The following AHCTF1 variants were observed in gnomAD, a reference collection of about 807,000 sequenced individuals.
AHCTF1 encodes the protein AT-hook containing transcription factor 1.
In AHCTF1, 24 loss-of-function variants were observed where a neutral mutation model predicts 248.4. That is an observed-to-expected ratio of 0.10 (90% CI 0.07 to 0.14). The LOEUF (loss-of-function observed/expected upper bound fraction) is 0.14. Among genes scored for constraint, AHCTF1 ranks in the 10% least tolerant of loss-of-function variants. The probability of loss-of-function intolerance (pLI) is 1.00; values close to 1 mark genes in which losing one functional copy is unlikely to be tolerated. For missense variants in AHCTF1, 2,206 were observed against 2,636.2 expected, an observed-to-expected ratio of 0.84 and a Z score of 3.57; for synonymous variants, 786 against 929.8, an observed-to-expected ratio of 0.85 and a Z score of 2.81.
At chr1:246,913,532 T>C (rs1349743296) in intron 3 of AHCTF1, 120 bp from the exon 4 acceptor site, 13 of 886,306 alleles carry the variant, frequency 1.5e-5, no homozygotes, top group East Asian at 5.6e-5. Context: ...TAGAGTAAAT[T>C]TGCATTTGAT....
chr1:246,844,574 G>T (rs1441903090), intron 33 of AHCTF1, among the ~76,000 whole-genome samples: 1 of 151,962 alleles, frequency 6.6e-6, no homozygotes, highest in Non-Finnish European at 1.5e-5. Context: ...ATTTTTAAAA[G>T]ATTAGCCAAT....
Position 246,842,766 on chromosome 1 carries a change from GCAT to G in AHCTF1, c.6533_6535del (p.Asp2178del). 2 of 1,613,192 alleles carry G rather than the reference GCAT, an allele frequency of 1.2e-6. No homozygotes were observed. Among genetic ancestry groups the G allele is most frequent in the South Asian group, 2.2e-5 (2 of 91,056 alleles). On this transcript the variant is annotated inframe_deletion, in exon 35 of 36. Transcript: ENST00000648844. ...CTTTCCCAGAGTTTCTACTGATTGT[GCAT>G]CATCTTTCTATGGGTTAAACATTTT... is the stretch of plus-strand genomic sequence containing the variant.
chr1:246,860,512 TG>T (rs1661457917), intron 29 of AHCTF1, among the ~76,000 whole-genome samples: 1 of 152,206 alleles, frequency 6.6e-6, no homozygotes, highest in East Asian at 1.9e-4. Context: ...CTGTGCATTA[TG>T]TCTAGGAACT....
At chr1:246,903,816 C>T (rs1213289153) in intron 7 of AHCTF1, 133 bp downstream of exon 7, 26 of 708,028 alleles carry the variant, frequency 3.7e-5, no homozygotes, top group Admixed American at 9.5e-5. Context: ...CCAGCCTGGG[C>T]GACAGAGCGA....
chr1:246,881,655 G>C (rs1433378553), intron 21 of AHCTF1, among the ~76,000 whole-genome samples: 1 of 151,662 alleles, frequency 6.6e-6, no homozygotes, highest in African/African-American at 2.4e-5. Flanking sequence ...TGACCAACAT[G>C]GGTGAAACCC....
chr1:246,852,464 A>AAAAG (rs1188058171), intron 32 of AHCTF1, among the ~76,000 whole-genome samples: 2 of 152,160 alleles, frequency 1.3e-5, no homozygotes, highest in African/African-American at 4.8e-5. Flanking sequence ...TGCTGGTAAT[A>AAAAG]AAAGATTTGG....
At chr1:246,860,000 G>C (rs550633113) in intron 29 of AHCTF1, among the ~76,000 whole-genome samples, 1 of 152,194 alleles carries the variant, frequency 6.6e-6, no homozygotes, top group East Asian at 1.9e-4. Flanking sequence ...GGTGGCTCAC[G>C]CCTGTAATCC....
chr1:246,928,163 C>T lies in AHCTF1; in HGVS notation c.-8+3415G>A, dbSNP rs563453463. On this transcript the variant is annotated intron_variant, in intron 1 of 35. Coordinates refer to ENST00000648844, the MANE Select transcript of AHCTF1 (RefSeq NM_001323342.2). ...AAAAATACAAAAAAAATTAGCCGGG[C>T]GTGGTGGTGGGCACCTGTAGTCCCA... Among the ~76,000 whole-genome samples, 29 of 150,628 alleles carry T rather than the reference C, an allele frequency of 1.9e-4. No individual in the cohort carries two copies. The South Asian group carries it at 5.9e-3, about 31-fold the overall frequency.
chr1:246,900,998 A>C (rs1049129446), intron 8 of AHCTF1, among the ~76,000 whole-genome samples: 3 of 152,218 alleles, frequency 2.0e-5, no homozygotes, highest in Admixed American at 2.0e-4. Context: ...AGAAGAAGAA[A>C]GTAAAAATCT....
intron 28 of AHCTF1, 30 bp downstream of exon 28, chr1:246,861,929 G>A (rs762248231): frequency 6.4e-7 from 1 of 1,559,290 alleles, no homozygotes; most frequent in Non-Finnish European, 8.8e-7. Flanking sequence ...ATTAAAAAAT[G>A]TCTTTTCTCC....
At chr1:246,928,866 G>C (rs1255615944) in intron 1 of AHCTF1, among the ~76,000 whole-genome samples, 1 of 152,156 alleles carries the variant, frequency 6.6e-6, no homozygotes, top group East Asian at 1.9e-4. Flanking sequence ...GAAACTTCAA[G>C]CCTTTCAGAA....
intron 21 of AHCTF1, among the ~76,000 whole-genome samples, chr1:246,884,257 A>C (rs1197549810): frequency 6.6e-5 from 10 of 152,208 alleles, no homozygotes; most frequent in Non-Finnish European, 1.5e-4. Flanking sequence ...GCTAAGCCAG[A>C]TTATTTCAAC....
chr1:246,864,988 A>G (rs968488212), intron 26 of AHCTF1, among the ~76,000 whole-genome samples: 1 of 151,940 alleles, frequency 6.6e-6, no homozygotes, highest in Non-Finnish European at 1.5e-5. Flanking sequence ...TTCTACTACA[A>G]GGTTTTCCGT....
rs201321125 is a variant in AHCTF1, at chr1:246,841,001, G to GA, written c.6609-4dup. On this transcript the variant is annotated splice_polypyrimidine_tract_variant and splice_region_variant and intron_variant, in intron 35 of 35. Transcript: ENST00000648844. ...AAGCACTTTCTTTTTCTGTGTTTCT[G>GA]AAAAAAAAAGATATGATCAAGTAAG... 11,396 of 1,562,494 alleles carry GA rather than the reference G, an allele frequency of 7.3e-3. 560 individuals carry two copies. The African/African-American group carries it at 0.13, about 18-fold the overall frequency.
At chr1:246,915,322 GTCT>G (rs1666067812) in intron 3 of AHCTF1, among the ~76,000 whole-genome samples, 1 of 151,708 alleles carries the variant, frequency 6.6e-6, no homozygotes. Context: ...GAGCGACTCT[GTCT>G]CAAAAACAAA....
chr1:246,897,076 G>C (rs1168941085), intron 12 of AHCTF1, among the ~76,000 whole-genome samples: 1 of 152,164 alleles, frequency 6.6e-6, no homozygotes, highest in Non-Finnish European at 1.5e-5. Flanking sequence ...CACTTTGGGA[G>C]GCCGAGGAGG....
chr1:246,843,210 C>T (rs947333539), intron 34 of AHCTF1, among the ~76,000 whole-genome samples: 4 of 152,214 alleles, frequency 2.6e-5, no homozygotes, highest in Admixed American at 1.3e-4. Context: ...TGAGCCTTTG[C>T]GTCTGCCATT....
chr1:246,870,278 CAAA>C (rs149713465), intron 24 of AHCTF1, among the ~76,000 whole-genome samples: 1 of 152,098 alleles, frequency 6.6e-6, no homozygotes, highest in Non-Finnish European at 1.5e-5. Context: ...GCCCTCTCTA[CAAA>C]AAATACCCAG....
rs527956977 is a variant in AHCTF1 at position 246,858,304 on chromosome 1, C to A, written c.4133-490G>T. ...CTCTGAACCTAGCTCAAGAGCCCCC[C>A]TTAACCTCTCGCTTTTCACTTTTTG... On this transcript the variant is annotated intron_variant, in intron 29 of 35. Coordinates refer to ENST00000648844, the MANE Select transcript of AHCTF1 (RefSeq NM_001323342.2). 4.6e-5 allele frequency among the ~76,000 whole-genome samples: 7 copies of A among 152,268 alleles called. No homozygotes were observed. The East Asian group carries it at 1.4e-3, about 29-fold the overall frequency.
Sources: gnomAD v4.1 joint callset for allele counts (sites outside exome capture counted in the v4.1 genomes callset) on GRCh38, gnomAD v4.1.1 for gene constraint, MANE v1.5 for transcripts, NCBI Gene and HGNC (gene_info 2026-07-23, HGNC 2026-07-21) for gene names.